Variants in DCC observed in about 807,000 individuals in gnomAD.
DCC encodes the protein DCC netrin 1 receptor.
In DCC, 58 loss-of-function variants were observed where a neutral mutation model predicts 172.5. That is an observed-to-expected ratio of 0.34 (90% CI 0.27 to 0.42). DCC has a LOEUF of 0.42. Among genes scored for constraint, DCC ranks in the 10% least tolerant of loss-of-function variants. The pLI is 1.00. For synonymous variants in DCC, 709 were observed against 644.5 expected (o/e 1.10, Z -1.52); for missense variants, 1,740 against 1,791.0 (o/e 0.97, Z 0.51).
intron 2 of DCC, among the ~76,000 whole-genome samples, chr18:52,817,869 T>G (rs1043158722): frequency 2.8e-4 from 42 of 152,136 alleles, no homozygotes; most frequent in African/African-American, 1.0e-3. Context: ...AATACAGTAC[T>G]CAAGGAGACC....
intron 1 of DCC, among the ~76,000 whole-genome samples, chr18:52,614,503 G>A (rs2034340232): frequency 6.6e-6 from 1 of 152,152 alleles, no homozygotes; most frequent in Non-Finnish European, 1.5e-5. Context: ...TACTTTCAAA[G>A]TTGCTTGTGA....
At chr18:53,217,444 A>G (rs1435080047) in intron 12 of DCC, among the ~76,000 whole-genome samples, 1 of 152,146 alleles carries the variant, frequency 6.6e-6, no homozygotes, top group East Asian at 1.9e-4. Context: ...GCACTGCTAG[A>G]AAGTTTAAAT....
At chr18:52,882,234 A>G (rs563940124) in intron 2 of DCC, among the ~76,000 whole-genome samples, 11 of 152,060 alleles carry the variant, frequency 7.2e-5, no homozygotes, top group Non-Finnish European at 1.2e-4. Context: ...TTTCATCTAG[A>G]AACAATTTTG....
chr18:52,658,078 C>T (rs555597522), intron 1 of DCC, among the ~76,000 whole-genome samples: 5 of 152,292 alleles, frequency 3.3e-5, no homozygotes, highest in South Asian at 4.1e-4. Flanking sequence ...AGTGCAAACT[C>T]GCTCACCATT....
chr18:52,864,502 C>T (rs1292869103), intron 2 of DCC, among the ~76,000 whole-genome samples: 1 of 151,896 alleles, frequency 6.6e-6, no homozygotes, highest in Non-Finnish European at 1.5e-5. Flanking sequence ...ACATAGTTTC[C>T]ATTTTCTTTT....
At chr18:52,564,720 T>A (rs1178274312) in intron 1 of DCC, among the ~76,000 whole-genome samples, 1 of 148,610 alleles carries the variant, frequency 6.7e-6, no homozygotes, top group Non-Finnish European at 1.5e-5. Flanking sequence ...AGTTGGAGAG[T>A]CACTTAAGTA....
chr18:52,493,805 A>G (rs564551102), intron 1 of DCC, among the ~76,000 whole-genome samples: 1 of 152,200 alleles, frequency 6.6e-6, no homozygotes, highest in African/African-American at 2.4e-5. Context: ...GTAATGGTAG[A>G]ATCTGAGAAT....
intron 5 of DCC, among the ~76,000 whole-genome samples, chr18:52,987,783 G>A (rs546050675): frequency 1.3e-5 from 2 of 152,172 alleles, no homozygotes; most frequent in South Asian, 4.1e-4. Flanking sequence ...TCTCAGTGTT[G>A]CTCCTGAATT....
At chr18:53,436,517 G>A (rs773047709) in intron 22 of DCC, among the ~76,000 whole-genome samples, 7 of 152,020 alleles carry the variant, frequency 4.6e-5, no homozygotes, top group African/African-American at 1.4e-4. Context: ...CTTATCATAG[G>A]CTGTGATAAT....
chr18:53,048,864 A>G (rs7505909), intron 5 of DCC, among the ~76,000 whole-genome samples: 42,297 of 151,534 alleles, frequency 0.28, 6,513 homozygotes, highest in African/African-American at 0.4. Context: ...TGACTTTTTA[A>G]TAATAGTCAT....
At chr18:52,828,852 T>C (rs2038561124) in intron 2 of DCC, among the ~76,000 whole-genome samples, 1 of 152,220 alleles carries the variant, frequency 6.6e-6, no homozygotes, top group African/African-American at 2.4e-5. Context: ...AAGAGATGTG[T>C]AAATGTTTTC....
intron 7 of DCC, among the ~76,000 whole-genome samples, chr18:53,155,452 CAG>C (rs1366539850): frequency 1.3e-5 from 2 of 152,128 alleles, no homozygotes; most frequent in Non-Finnish European, 2.9e-5. Context: ...ATAAAGAAAA[CAG>C]AGTTATCACA....
At chr18:53,044,612 A>G (rs2042211952) in intron 5 of DCC, among the ~76,000 whole-genome samples, 1 of 151,846 alleles carries the variant, frequency 6.6e-6, no homozygotes, top group Non-Finnish European at 1.5e-5. Flanking sequence ...TAAATACTTA[A>G]GTAGGGTTCT....
At chr18:53,480,623 TAATTAC>T (rs1202179184) in intron 25 of DCC, among the ~76,000 whole-genome samples, 11 of 152,150 alleles carry the variant, frequency 7.2e-5, no homozygotes, top group African/African-American at 2.7e-4. Flanking sequence ...CCTTGCAAAT[TAATTAC>T]AATGCCCAAC....
intron 5 of DCC, among the ~76,000 whole-genome samples, chr18:52,945,570 A>G (rs1234809308): frequency 6.6e-6 from 1 of 152,234 alleles, no homozygotes; most frequent in East Asian, 1.9e-4. Flanking sequence ...ATGAATTTTT[A>G]GAAATGCCCC....
At chr18:52,918,396 C>T (rs537443495) in intron 3 of DCC, among the ~76,000 whole-genome samples, 2 of 152,186 alleles carry the variant, frequency 1.3e-5, no homozygotes, top group Non-Finnish European at 2.9e-5. Context: ...ATTTTAAGTT[C>T]ACATCTCCCA....
chr18:52,941,565 A>G (rs979513472), intron 5 of DCC, among the ~76,000 whole-genome samples: 3 of 152,122 alleles, frequency 2.0e-5, no homozygotes, highest in South Asian at 2.1e-4. Context: ...CACACACTAT[A>G]TATGCATATA....
intron 1 of DCC, among the ~76,000 whole-genome samples, chr18:52,643,373 G>T (rs1450372474): frequency 6.6e-6 from 1 of 152,126 alleles, no homozygotes; most frequent in Non-Finnish European, 1.5e-5. Flanking sequence ...ATTCTCCCTG[G>T]TTCTTTGAGA....
chr18:52,566,322 A>G (rs746277966), intron 1 of DCC, among the ~76,000 whole-genome samples: 4 of 152,130 alleles, frequency 2.6e-5, no homozygotes, highest in Non-Finnish European at 5.9e-5. Flanking sequence ...CAATGAGAAT[A>G]CATGGACACA....
Sources: gnomAD v4.1 joint callset for allele counts (sites outside exome capture counted in the v4.1 genomes callset) on GRCh38, gnomAD v4.1.1 for gene constraint, MANE v1.5 for transcripts, NCBI Gene and HGNC (gene_info 2026-07-23, HGNC 2026-07-21) for gene names.